Variants in WDR62 observed in about 807,000 individuals in gnomAD.
The protein encoded by WDR62 is WD repeat-containing protein 62.
Under a neutral mutation model 160.6 loss-of-function variants are expected in WDR62, and 112 were observed. The observed-to-expected ratio is 0.70, with a 90% CI of 0.60 to 0.82. The LOEUF (loss-of-function observed/expected upper bound fraction) is 0.82, where lower values mean the gene tolerates loss of function less well. Among genes scored for constraint, WDR62 ranks in the 40% least tolerant of loss-of-function variants. WDR62 has a pLI of 0.00. For missense variants in WDR62, 1,819 were observed against 1,983.8 expected (o/e 0.92, Z 1.58); for synonymous variants, 792 against 815.1 (o/e 0.97, Z 0.48).
chr19:36,090,438 T>C lies in WDR62; in HGVS notation c.1959-7T>C. 1 of 1,613,908 alleles carries C rather than the reference T, an allele frequency of 6.2e-7. No homozygotes were observed. The highest frequency in any genetic ancestry group is 8.5e-7 in the Non-Finnish European group (1 of 1,179,918). The stretch of plus-strand genomic sequence containing the variant: ...CTGTTGGCCGCAACATGCCCCTACT[T>C]CCCCAGAGTCTACAACACTGTGAAC... On this transcript the variant is annotated splice_region_variant and splice_polypyrimidine_tract_variant and intron_variant, in intron 15 of 31. Coordinates refer to ENST00000401500, the MANE Select transcript of WDR62 (RefSeq NM_001083961.2).
chr19:36,080,020 TCATTC>T (rs1971799047), intron 9 of WDR62, among the ~76,000 whole-genome samples: 1 of 152,202 alleles, frequency 6.6e-6, no homozygotes, highest in South Asian at 2.1e-4. Context: ...CTTCTCAGCT[TCATTC>T]TAAATATCTT....
rs753978445 is a variant in WDR62, at chr19:36,073,382, A to G, written c.1084A>G (p.Thr362Ala). 6.2e-7 allele frequency: 1 copy of G among 1,614,188 alleles called. No homozygotes were observed. Among genetic ancestry groups the G allele is most frequent in the Non-Finnish European group, 8.5e-7 (1 of 1,180,020 alleles). ...HRKAEAVYPD[T>A]VALTFDPIHQ... ...GAAGGCGGAAGCAGTCTACCCAGAT[A>G]CAGTGGCACTGACCTTCGACCCCAT... The change falls in exon 9 of 32, where the codon ACA becomes GCA. Residue 362 changes from threonine to alanine, a missense_variant. Thr to Ala is a moderately conservative substitution (Grantham distance 58). This residue lies in a region of WDR62 where 934 missense variants were observed against 1,157.2 expected (regional missense o/e 0.81). Coordinates refer to ENST00000401500, the MANE Select transcript of WDR62 (RefSeq NM_001083961.2).
chr19:36,108,074 G>A (rs1463426291), downstream of WDR62, among the ~76,000 whole-genome samples: 18 of 152,004 alleles, frequency 1.2e-4, no homozygotes, highest in Non-Finnish European at 1.5e-5. Context: ...ACAAAGAGAA[G>A]GAACAAGAAC....
Position 36,086,820 on chromosome 19 carries a change from C to T in WDR62, c.1768+8C>T, listed in dbSNP as rs1313290847. ...CCGCCATCAAGTTCGCTGGTGAGCC[C>T]CTTTCTTCCCGCTCCCTGCGCCTTG... On this transcript the variant is annotated splice_region_variant and intron_variant, in intron 13 of 31. Transcript: ENST00000401500. The T allele has an allele frequency of 3.1e-6, 5 of 1,608,616 alleles. No individual in the cohort carries two copies. The African/African-American group carries it at 5.3e-5, about 17-fold the overall frequency.
downstream of WDR62, among the ~76,000 whole-genome samples, chr19:36,107,471 G>A (rs1180779772): frequency 6.6e-6 from 1 of 152,068 alleles, no homozygotes; most frequent in South Asian, 2.1e-4. Flanking sequence ...AATGACATGA[G>A]GGTCAGAGGC....
downstream of WDR62, among the ~76,000 whole-genome samples, chr19:36,107,100 G>A (rs1226592786): frequency 6.6e-6 from 1 of 152,304 alleles, no homozygotes; most frequent in East Asian, 1.9e-4. Flanking sequence ...CTGCTCCAAG[G>A]AGTAAACACC....
chr19:36,087,053 G>A (rs1480757146), intron 13 of WDR62, among the ~76,000 whole-genome samples: 1 of 152,002 alleles, frequency 6.6e-6, no homozygotes, highest in Non-Finnish European at 1.5e-5. Context: ...AGACAACATG[G>A]TGAAACCCCG....
intron 18 of WDR62, 48 bp downstream of exon 18, chr19:36,091,513 C>G (rs1972607137): frequency 9.0e-6 from 14 of 1,552,688 alleles, no homozygotes; most frequent in Non-Finnish European, 1.2e-5. Context: ...ACCATGAGCA[C>G]TGCACTCAGC....
At chr19:36,090,619 A>G in intron 16 of WDR62, 99 bp downstream of exon 16, 1 of 1,120,502 alleles carries the variant, frequency 8.9e-7, no homozygotes, top group East Asian at 2.4e-5. Flanking sequence ...TCCTCAGTGC[A>G]CCGCGCTGCC....
intron 26 of WDR62, 31 bp downstream of exon 26, chr19:36,102,182 G>A: frequency 1.2e-6 from 2 of 1,613,808 alleles, no homozygotes; most frequent in Non-Finnish European, 8.5e-7. Context: ...CACCTGCCGA[G>A]GCCGTCTGTG....
chr19:36,067,967 A>G lies in WDR62; in HGVS notation c.839A>G (p.Gln280Arg). The G allele has an allele frequency of 6.2e-7, 1 of 1,614,182 alleles. No homozygotes were observed. The highest frequency in any genetic ancestry group is 8.5e-7 in the Non-Finnish European group (1 of 1,180,032). ...FCVSYSGLLC[Q>R]FNEKRVLEKW... is the part of the protein sequence containing the mutation. ...GTGTCCTACTCGGGCCTCCTCTGCC[A>G]GTTCAATGAGAAGAGGGTGCTGGAG... The change falls in exon 7 of 32, where the codon CAG (glutamine) becomes CGG (arginine). Residue 280 changes from glutamine to arginine, a missense_variant. By Grantham distance (43) the Gln-to-Arg change is conservative. Coordinates refer to ENST00000401500, the MANE Select transcript of WDR62 (RefSeq NM_001083961.2).
intron 1 of WDR62, among the ~76,000 whole-genome samples, chr19:36,057,030 G>A (rs1303101642): frequency 6.6e-6 from 1 of 152,026 alleles, no homozygotes; most frequent in African/African-American, 2.4e-5. Flanking sequence ...GGCCAGGCTG[G>A]TCTTGAATTA....
At chr19:36,092,308 C>CAAAA (rs557921076) in intron 18 of WDR62, among the ~76,000 whole-genome samples, 1 of 81,202 alleles carries the variant, frequency 1.2e-5, no homozygotes. Context: ...AAGACTCTCT[C>CAAAA]AAAAAAAAAA....
Position 36,055,113 on chromosome 19 carries a change from C to G in WDR62, c.142C>G (p.Leu48Val), listed in dbSNP as rs62109744. 5.0e-6 allele frequency: 8 copies of G among 1,607,176 alleles called. No individual in the cohort carries two copies. In the East Asian group the frequency reaches 1.8e-4, roughly 36 times the overall value. Residue 48 changes from leucine to valine, a missense_variant, in exon 1 of 32, where the codon CTC becomes GTC. Physicochemically the swap from Leu to Val is conservative, Grantham distance 32. Transcript: ENST00000401500. ...AATCTGCCTACGGCGGCGGACGCGA[C>G]TCTCGACGGCCTCCGAGGAGACGGT... The part of the protein sequence containing the change: ...PPICLRRRTR[L>V]STASEETVQN...
chr19:36,106,229 G>T (rs907305570), downstream of WDR62, among the ~76,000 whole-genome samples: 2 of 152,116 alleles, frequency 1.3e-5, no homozygotes, highest in Non-Finnish European at 2.9e-5. Context: ...GCTGGGGTGT[G>T]GTGGTGCACA....
At chr19:36,102,604 C>T in intron 26 of WDR62, 133 bp from the exon 27 acceptor site, 1 of 731,944 alleles carries the variant, frequency 1.4e-6, no homozygotes, top group East Asian at 2.7e-5. Flanking sequence ...CCTCCTCACC[C>T]ACTGCCCCTG....
intron 12 of WDR62, among the ~76,000 whole-genome samples, chr19:36,085,587 A>G (rs1358250749): frequency 6.6e-6 from 1 of 151,256 alleles, no homozygotes; most frequent in Non-Finnish European, 1.5e-5. Context: ...GATTACAGGC[A>G]CGCCCCCACC....
At chr19:36,108,281 C>T (rs1973747467), downstream of WDR62, among the ~76,000 whole-genome samples, 1 of 152,118 alleles carries the variant, frequency 6.6e-6, no homozygotes. Context: ...GGCCATGGAG[C>T]AGGGCAGAAC....
chr19:36,076,807 A>T (rs1437900322), intron 9 of WDR62, among the ~76,000 whole-genome samples: 1 of 152,140 alleles, frequency 6.6e-6, no homozygotes, highest in Admixed American at 6.5e-5. Flanking sequence ...GATAGTTAAA[A>T]CAATTGTAAT....
Sources: gnomAD v4.1 joint callset for allele counts (sites outside exome capture counted in the v4.1 genomes callset) on GRCh38, gnomAD v4.1.1 for gene constraint, gnomAD v4.1.1 regional missense constraint, MANE v1.5 for transcripts, NCBI Gene and HGNC (gene_info 2026-07-23, HGNC 2026-07-21) for gene names.